SEPTIN2: variants seen among roughly 807,000 people sequenced by gnomAD.
SEPTIN2 encodes septin 2.
In SEPTIN2, 34 loss-of-function variants were observed where a neutral mutation model predicts 46.5. The observed-to-expected ratio is 0.73, with a 90% confidence interval of 0.56 to 0.97. The LOEUF is 0.97. SEPTIN2 is among the 50% of genes least tolerant of loss of function. The pLI is 0.00. For missense variants in SEPTIN2, 347 were observed against 448.4 expected, an observed-to-expected ratio of 0.77 and a Z score of 2.04; for synonymous variants, 175 against 153.4, an observed-to-expected ratio of 1.14 and a Z score of -1.04.
chr2:241,338,902 TTATA>T (rs1248638469), intron 7 of SEPTIN2, among the ~76,000 whole-genome samples: 1 of 79,390 alleles, frequency 1.3e-5, no homozygotes, highest in East Asian at 2.5e-4. Flanking sequence ...ATTATATATA[TTATA>T]TATAATATAT....
At chr2:241,324,121 T>C in intron 1 of SEPTIN2, 95 bp from the exon 2 acceptor site, 1 of 1,149,310 alleles carries the variant, frequency 8.7e-7, no homozygotes, top group South Asian at 1.4e-5. Flanking sequence ...TGTGTAAGTC[T>C]TCTTCAGGTC....
chr2:241,339,842 A>G (rs1246437381), intron 7 of SEPTIN2, among the ~76,000 whole-genome samples: 1 of 152,142 alleles, frequency 6.6e-6, no homozygotes. Context: ...CTCCCCCCAC[A>G]CTGCATAAAG....
intron 1 of SEPTIN2, among the ~76,000 whole-genome samples, chr2:241,323,777 T>A (rs1049816511): frequency 1.2e-4 from 18 of 152,254 alleles, no homozygotes; most frequent in Non-Finnish European, 1.2e-4. Context: ...ATAGGCAAAA[T>A]GGAGGTGCCA....
intron 9 of SEPTIN2, among the ~76,000 whole-genome samples, chr2:241,345,746 A>G (rs1335262760): frequency 1.3e-5 from 2 of 152,194 alleles, no homozygotes; most frequent in Admixed American, 6.5e-5. Flanking sequence ...TGAGAGTAAT[A>G]TATAAATTTT....
chr2:241,351,542 T>C (rs140368182), intron 12 of SEPTIN2: 1 of 152,188 alleles, frequency 6.6e-6, no homozygotes, highest in Non-Finnish European at 1.5e-5. Context: ...GCCATGACTT[T>C]TAAACGATGG....
Position 241,352,126 on chromosome 2 carries a change from C to T in SEPTIN2, c.*189C>T, listed in dbSNP as rs910429479. 8 of 152,540 alleles carry T rather than the reference C, an allele frequency of 5.2e-5. No homozygotes were observed. The highest frequency in any genetic ancestry group is 8.8e-5 in the Non-Finnish European group (6 of 68,038). The allele number at this position is 152,540 out of a possible 1,614,324, so 9.4% of individuals were successfully genotyped here. On this transcript the variant is annotated 3_prime_UTR_variant, in exon 13 of 13. Transcript: ENST00000391971. ...GTGTTTTTGTATGAAGTACTTTTAA[C>T]GTATGTATTTCATTGCTGTGTCACA...
At chr2:241,343,454 G>A (rs996748412) in intron 8 of SEPTIN2, among the ~76,000 whole-genome samples, 2 of 151,780 alleles carry the variant, frequency 1.3e-5, no homozygotes, top group Non-Finnish European at 1.5e-5. Flanking sequence ...AGCCGAGATC[G>A]CGCCTCTGCA....
rs1280200469 is a variant in SEPTIN2, at chr2:241,336,096, T to G, written c.339T>G (p.Asp113Glu). Residue 113 changes from aspartate to glutamate, a missense_variant and splice_region_variant, in exon 5 of 13, where the codon GAT (aspartate) becomes GAG (glutamate). Asp to Glu is a conservative substitution (Grantham distance 45, BLOSUM62 2). Coordinates refer to ENST00000391971, the MANE Select transcript of SEPTIN2 (RefSeq NM_004404.5). ...ATGGTGACGCTATCAACTGCAGAGA[T>G]TGGTATGCTCCCCCATGCCCAGGGA... ...PGYGDAINCR[D>E]CFKTIISYID... 2.5e-6 allele frequency: 4 copies of G among 1,613,978 alleles called. No homozygotes were observed. In the South Asian group the frequency reaches 4.4e-5, roughly 18 times the overall value.
chr2:241,324,313 GACTT>G (rs1559599862), intron 2 of SEPTIN2, 72 bp downstream of exon 2: 1 of 1,188,350 alleles, frequency 8.4e-7, no homozygotes, highest in Admixed American at 2.0e-5. Flanking sequence ...TGACAGTCGG[GACTT>G]ATATGATTCA....
chr2:241,325,889 T>C, intron 2 of SEPTIN2, 104 bp from the exon 3 acceptor site: 1 of 1,104,888 alleles, frequency 9.1e-7, no homozygotes, highest in South Asian at 1.9e-5. Context: ...TTTAAAAAAT[T>C]TGTGAAAACT....
intron 2 of SEPTIN2, chr2:241,324,539 C>G: frequency 2.3e-6 from 1 of 435,792 alleles, no homozygotes; most frequent in Non-Finnish European, 4.3e-6. Flanking sequence ...AGACACGTGC[C>G]ACCACGCTGG....
chr2:241,318,932 G>GTGA (rs903416658), intron 1 of SEPTIN2, among the ~76,000 whole-genome samples: 1 of 152,010 alleles, frequency 6.6e-6, no homozygotes, highest in African/African-American at 2.4e-5. Context: ...TTTTGACCTC[G>GTGA]TGATATGCCC....
chr2:241,339,784 C>T (rs1345665466), intron 7 of SEPTIN2, among the ~76,000 whole-genome samples: 4 of 152,154 alleles, frequency 2.6e-5, no homozygotes, highest in Non-Finnish European at 5.9e-5. Context: ...CTGAGCCCAA[C>T]GCTGCACACA....
chr2:241,319,696 A>T (rs918477600), intron 1 of SEPTIN2, among the ~76,000 whole-genome samples: 19 of 151,992 alleles, frequency 1.3e-4, no homozygotes, highest in Admixed American at 1.3e-4. Flanking sequence ...GGCTCAAGGG[A>T]TCCTCCCACC....
chr2:241,338,885 A>ATATT (rs1559644039), intron 7 of SEPTIN2, among the ~76,000 whole-genome samples: 14 of 89,912 alleles, frequency 1.6e-4, no homozygotes, highest in African/African-American at 7.0e-4. Context: ...ATATATCTAT[A>ATATT]ATATATATTA....
intron 10 of SEPTIN2, 34 bp downstream of exon 10, chr2:241,346,283 TCA>T: frequency 6.5e-7 from 1 of 1,542,252 alleles, no homozygotes; most frequent in Non-Finnish European, 9.0e-7. Flanking sequence ...CTGTATTGTG[TCA>T]CCCTGAGCCA....
At chr2:241,320,832 CT>C (rs1267696693) in intron 1 of SEPTIN2, among the ~76,000 whole-genome samples, 1 of 152,050 alleles carries the variant, frequency 6.6e-6, no homozygotes, top group Non-Finnish European at 1.5e-5. Context: ...GTTTACCCTT[CT>C]TTTTCCCCCC....
intron 1 of SEPTIN2, among the ~76,000 whole-genome samples, chr2:241,321,065 T>G (rs73116340): frequency 0.026 from 4,020 of 152,272 alleles, 111 homozygotes; most frequent in African/African-American, 0.069. Flanking sequence ...ACTGTAAAAA[T>G]GTTTTTCAAA....
chr2:241,323,205 CTG>C (rs1336949972), intron 1 of SEPTIN2, among the ~76,000 whole-genome samples: 2 of 150,770 alleles, frequency 1.3e-5, no homozygotes, highest in African/African-American at 4.9e-5. Context: ...GAGTCTCACT[CTG>C]TTGCCCAGGT....
Sources: allele counts gnomAD v4.1 joint callset (sites outside exome capture counted in the v4.1 genomes callset), GRCh38; gene constraint gnomAD v4.1.1; transcripts MANE v1.5; gene names NCBI Gene and HGNC (gene_info 2026-07-23, HGNC 2026-07-21).